The following FHIT variants were observed in gnomAD, a reference collection of about 807,000 sequenced individuals.
The protein encoded by FHIT is fragile histidine triad diadenosine triphosphatase.
In FHIT, 19 loss-of-function variants were observed where a neutral mutation model predicts 17.9. The observed-to-expected ratio is 1.06, with a 90% CI of 0.74 to 1.56. The LOEUF (loss-of-function observed/expected upper bound fraction) is 1.56. Among genes scored for constraint, FHIT ranks in the 40% most tolerant of loss-of-function variants. The probability of loss-of-function intolerance (pLI) is 0.00; values close to 1 mark genes in which losing one functional copy is unlikely to be tolerated. For missense variants in FHIT, 248 were observed against 189.2 expected, an observed-to-expected ratio of 1.31 and a Z score of -1.82; for synonymous variants, 81 against 69.7, an observed-to-expected ratio of 1.16 and a Z score of -0.81.
chr3:59,819,730 C>T (rs534093846), intron 8 of FHIT, among the ~76,000 whole-genome samples: 1 of 152,222 alleles, frequency 6.6e-6, no homozygotes, highest in African/African-American at 2.4e-5. Context: ...ATTTATTTAC[C>T]TATTCCTCTA....
chr3:60,067,351 T>C (rs2106953523), intron 5 of FHIT, among the ~76,000 whole-genome samples: 1 of 141,978 alleles, frequency 7.0e-6, no homozygotes, highest in East Asian at 2.0e-4. Context: ...AATGAATGAA[T>C]GAATAAGCAC....
At chr3:60,079,298 C>T (rs1703170831) in intron 5 of FHIT, among the ~76,000 whole-genome samples, 2 of 152,080 alleles carry the variant, frequency 1.3e-5, no homozygotes, top group Non-Finnish European at 2.9e-5. Flanking sequence ...CTCACACATG[C>T]TTTTAAATGG....
chr3:59,950,229 TCA>T (rs1260741357), intron 7 of FHIT, among the ~76,000 whole-genome samples: 1 of 152,174 alleles, frequency 6.6e-6, no homozygotes, highest in African/African-American at 2.4e-5. Flanking sequence ...ATAAGAATTG[TCA>T]CTGCTGTGAG....
chr3:60,569,551 A>T (rs946720283), intron 4 of FHIT, among the ~76,000 whole-genome samples: 1 of 151,708 alleles, frequency 6.6e-6, no homozygotes, highest in Non-Finnish European at 1.5e-5. Flanking sequence ...CCAGGACGAT[A>T]TAGTAGAGGA....
chr3:60,022,862 G>GA (rs1700602448), intron 5 of FHIT, among the ~76,000 whole-genome samples: 1 of 152,126 alleles, frequency 6.6e-6, no homozygotes, highest in African/African-American at 2.4e-5. Flanking sequence ...TAATGATATA[G>GA]AAGTCATTTC....
intron 4 of FHIT, among the ~76,000 whole-genome samples, chr3:60,574,048 G>A (rs1206155301): frequency 6.6e-6 from 1 of 152,016 alleles, no homozygotes; most frequent in East Asian, 1.9e-4. Flanking sequence ...GACCTCAAGC[G>A]ATCCACCCGC....
rs552092163 is a variant in FHIT at position 59,895,478 on chromosome 3, T to C, written c.348+26868A>G. Reference sequence around the variant, plus strand: ...AAGCAAGGTGAACAGAGAAGACATATCAGAACATGACTTTGCTTATTTGGG... The same window carrying C: ...AAGCAAGGTGAACAGAGAAGACATACCAGAACATGACTTTGCTTATTTGGG... On this transcript the variant is annotated intron_variant, in intron 8 of 9. Transcript: ENST00000492590. 4.6e-5 allele frequency among the ~76,000 whole-genome samples: 7 copies of C among 152,312 alleles called. No individual in the cohort carries two copies. In the South Asian group the frequency reaches 1.5e-3, roughly 32 times the overall value.
intron 4 of FHIT, among the ~76,000 whole-genome samples, chr3:60,619,782 C>A (rs1244370723): frequency 1.3e-5 from 2 of 151,974 alleles, no homozygotes; most frequent in Admixed American, 1.3e-4. Context: ...ATATATAATA[C>A]CAAAGGTGCA....
chr3:60,492,967 A>G (rs369817476), intron 5 of FHIT, among the ~76,000 whole-genome samples: 3 of 152,246 alleles, frequency 2.0e-5, no homozygotes, highest in African/African-American at 7.2e-5. Context: ...AGTAACTCCC[A>G]TTCTTAAAGA....
intron 2 of FHIT, among the ~76,000 whole-genome samples, chr3:61,188,042 A>C (rs1163074363): frequency 2.6e-5 from 4 of 152,204 alleles, no homozygotes; most frequent in Non-Finnish European, 4.4e-5. Context: ...AAGAGCAAAC[A>C]CATTCAAAAG....
intron 8 of FHIT, among the ~76,000 whole-genome samples, chr3:59,761,161 C>A (rs952474065): frequency 6.6e-6 from 1 of 152,138 alleles, no homozygotes; most frequent in South Asian, 2.1e-4. Flanking sequence ...AGACGAAAAT[C>A]CCACTGTGGC....
chr3:60,745,225 A>G (rs903596415), intron 4 of FHIT, among the ~76,000 whole-genome samples: 2 of 152,208 alleles, frequency 1.3e-5, no homozygotes, highest in East Asian at 3.8e-4. Context: ...TCGTCTAGAT[A>G]TGGGGTGGCA....
At chr3:60,200,487 T>C (rs1238936697) in intron 5 of FHIT, among the ~76,000 whole-genome samples, 1 of 152,062 alleles carries the variant, frequency 6.6e-6, no homozygotes, top group Non-Finnish European at 1.5e-5. Context: ...CAAAATTACT[T>C]TTAGAGAATG....
chr3:60,886,713 T>C (rs1010547716), intron 3 of FHIT, among the ~76,000 whole-genome samples: 4 of 152,230 alleles, frequency 2.6e-5, no homozygotes, highest in Admixed American at 6.5e-5. Flanking sequence ...TCCTACCCTC[T>C]GTCTGTATTG....
chr3:61,022,077 A>C (rs1453884805), intron 3 of FHIT, among the ~76,000 whole-genome samples: 1 of 152,200 alleles, frequency 6.6e-6, no homozygotes, highest in East Asian at 1.9e-4. Flanking sequence ...TGAAAAGATT[A>C]ACAAAATAGA....
intron 7 of FHIT, among the ~76,000 whole-genome samples, chr3:60,004,711 T>C (rs1699856643): frequency 6.6e-6 from 1 of 152,300 alleles, no homozygotes; most frequent in Middle Eastern, 3.4e-3. Flanking sequence ...TGGGTTTGAA[T>C]CCCAATTCCA....
chr3:60,363,532 T>C (rs1037714166), intron 5 of FHIT, among the ~76,000 whole-genome samples: 9 of 152,210 alleles, frequency 5.9e-5, no homozygotes, highest in Non-Finnish European at 1.0e-4. Context: ...ATCCCTGTTT[T>C]ACAGGTGAGT....
chr3:60,779,849 C>T (rs1700327916), intron 4 of FHIT, among the ~76,000 whole-genome samples: 1 of 152,162 alleles, frequency 6.6e-6, no homozygotes, highest in African/African-American at 2.4e-5. Flanking sequence ...CTTCCTGTTT[C>T]ATGGATAAAG....
chr3:61,010,864 G>GTT (rs2107622522), intron 3 of FHIT, among the ~76,000 whole-genome samples: 1 of 152,298 alleles, frequency 6.6e-6, no homozygotes, highest in South Asian at 2.1e-4. Context: ...TTTATAGAAA[G>GTT]TAAGAGTCAG....
Sources: gnomAD v4.1 joint callset for allele counts (sites outside exome capture counted in the v4.1 genomes callset) on GRCh38, gnomAD v4.1.1 for gene constraint, MANE v1.5 for transcripts, NCBI Gene and HGNC (gene_info 2026-07-23, HGNC 2026-07-21) for gene names.